Variants in KDR observed in about 807,000 individuals in gnomAD.
KDR encodes the protein vascular endothelial growth factor receptor 2.
Under a neutral mutation model 160.9 loss-of-function variants are expected in KDR, and 43 were observed. The observed-to-expected ratio is 0.27, with a 90% CI of 0.21 to 0.34. KDR has a LOEUF of 0.34. Among genes scored for constraint, KDR ranks in the 10% least tolerant of loss-of-function variants. KDR has a pLI of 1.00. For missense variants in KDR, 1,469 were observed against 1,666.4 expected, an observed-to-expected ratio of 0.88 and a Z score of 2.06; for synonymous variants, 617 against 600.1, an observed-to-expected ratio of 1.03 and a Z score of -0.41.
At position 55,110,861 on chromosome 4, in the gene KDR, G is replaced by A. The variant is rs535455673; in HGVS notation, c.977-93C>T. The stretch of plus-strand genomic sequence containing the variant: ...TCAAGTGAAACGTCAAAGACCTTGA[G>A]GGTCTGAGTAGCTGCAGTTCCAAGA... On this transcript the variant is annotated intron_variant, in intron 7 of 29. Coordinates refer to ENST00000263923, the MANE Select transcript of KDR (RefSeq NM_002253.4). The A allele has an allele frequency of 9.2e-5, 93 of 1,016,046 alleles. No individual in the cohort carries two copies. In the South Asian group the frequency reaches 1.2e-3, roughly 13 times the overall value. The allele number at this position is 1,016,046 out of a possible 1,614,324, so 62.9% of individuals were successfully genotyped here.
Position 55,078,784 on chromosome 4 carries a change from C to T in KDR, c.*1157G>A. On this transcript the variant is annotated 3_prime_UTR_variant, in exon 30 of 30. Transcript: ENST00000263923. Reference sequence around the variant, plus strand: ...AGAAATAGCTCTATATGTTAAAAGTCTAAATAATACAATAGATGTTATAAT... The same window carrying T: ...AGAAATAGCTCTATATGTTAAAAGTTTAAATAATACAATAGATGTTATAAT... 1 of 232,770 alleles carries T rather than the reference C, an allele frequency of 4.3e-6. No individual in the cohort carries two copies. Among genetic ancestry groups the T allele is most frequent in the Non-Finnish European group, 8.5e-6 (1 of 117,806 alleles). 14.4% of individuals were successfully genotyped at this position (232,770 alleles called of 1,614,324 possible). A position where few individuals can be genotyped will look rare whatever the true frequency, so the allele number is the denominator to read the frequency against.
intron 12 of KDR, among the ~76,000 whole-genome samples, chr4:55,105,238 G>A (rs1720416929): frequency 6.6e-6 from 1 of 152,142 alleles, no homozygotes. Context: ...TCTACGCAAT[G>A]TTTAATATAT....
chr4:55,125,442 C>T lies in KDR; in HGVS notation c.-149G>A. 1.0e-6 allele frequency: 1 copy of T among 970,110 alleles called. No homozygotes were observed. The highest frequency in any genetic ancestry group is 2.6e-5 in the East Asian group (1 of 37,888). The allele number at this position is 970,110 out of a possible 1,614,324, so 60.1% of individuals were successfully genotyped here. A position where few individuals can be genotyped will look rare whatever the true frequency, so the allele number is the denominator to read the frequency against. On this transcript the variant is annotated 5_prime_UTR_variant, in exon 1 of 30. Transcript: ENST00000263923. The stretch of plus-strand genomic sequence containing the variant: ...GCACAGGGCTAGGGAGCCCGGGCGC[C>T]GACCGCGGCTGCAGGGGCGTCTGCG...
At chr4:55,093,118 T>C (rs935708754) in intron 21 of KDR, among the ~76,000 whole-genome samples, 4 of 152,250 alleles carry the variant, frequency 2.6e-5, no homozygotes, top group African/African-American at 9.6e-5. Context: ...GGTCATTGAA[T>C]CTCTTCTCTC....
chr4:55,107,674 T>A, intron 10 of KDR, 63 bp downstream of exon 10: 1 of 1,606,754 alleles, frequency 6.2e-7, no homozygotes, highest in Non-Finnish European at 8.5e-7. Context: ...TGGAGTCATA[T>A]CATAGCTCAG....
At chr4:55,114,318 A>C in intron 5 of KDR, 53 bp from the exon 6 acceptor site, 4 of 1,575,888 alleles carry the variant, frequency 2.5e-6, no homozygotes, top group Non-Finnish European at 3.5e-6. Flanking sequence ...TAAGCCTATA[A>C]CTTTGCACAG....
chr4:55,103,903 C>T (rs1459042909), intron 13 of KDR, among the ~76,000 whole-genome samples: 1 of 152,094 alleles, frequency 6.6e-6, no homozygotes, highest in African/African-American at 2.4e-5. Flanking sequence ...ACAGACAAAG[C>T]CATGGCTGCC....
chr4:55,113,119 A>C (rs1720638139), intron 7 of KDR, among the ~76,000 whole-genome samples, 185 bp downstream of exon 7: 1 of 152,248 alleles, frequency 6.6e-6, no homozygotes, highest in Non-Finnish European at 1.5e-5. Context: ...TTTAAAGTTG[A>C]GGTTTGAACC....
intron 20 of KDR, 40 bp from the exon 21 acceptor site, chr4:55,094,995 A>C: frequency 6.3e-7 from 1 of 1,591,674 alleles, no homozygotes. Flanking sequence ...CCTTGAATAC[A>C]AAATGAGTCT....
Position 55,082,617 on chromosome 4 carries a change from ACTGTTCTG to A in KDR, c.3673_3680del (p.Gln1225Ter). ...CACTCACAGGCCGGCTCTTTCGCTT[ACTGTTCTG>A]CAGATACTGACTGCAAAAGAACAAA... is the stretch of plus-strand genomic sequence containing the variant. On this transcript the variant is annotated frameshift_variant, in exon 28 of 30. Coordinates refer to ENST00000263923, the MANE Select transcript of KDR (RefSeq NM_002253.4). LOFTEE classifies it high-confidence loss of function. 6.2e-7 allele frequency: 1 copy of A among 1,613,822 alleles called. No homozygotes were observed. The highest frequency in any genetic ancestry group is 8.5e-7 in the Non-Finnish European group (1 of 1,179,764).
intron 27 of KDR, among the ~76,000 whole-genome samples, chr4:55,083,343 T>C (rs1719783329): frequency 6.6e-6 from 1 of 152,158 alleles, no homozygotes; most frequent in South Asian, 2.1e-4. Context: ...TCTTGTCCCA[T>C]CTATAAGATG....
At chr4:55,095,812 C>A (rs577479549) in intron 19 of KDR, 147 bp from the exon 20 acceptor site, 3 of 673,764 alleles carry the variant, frequency 4.5e-6, no homozygotes, top group Non-Finnish European at 5.3e-6. Flanking sequence ...TGGTCCCAAT[C>A]CCCTTATATT....
intron 10 of KDR, 102 bp downstream of exon 10, chr4:55,107,635 T>A: frequency 2.7e-6 from 4 of 1,496,552 alleles, no homozygotes; most frequent in East Asian, 2.3e-5. Flanking sequence ...AGAGAAAACT[T>A]TTTTTGGTTT....
intron 3 of KDR, among the ~76,000 whole-genome samples, chr4:55,116,075 C>T (rs1720729796): frequency 6.6e-6 from 1 of 152,142 alleles, no homozygotes. Flanking sequence ...TTGATATCTT[C>T]AATGACAAAC....
At chr4:55,092,974 C>T (rs17085262) in intron 21 of KDR, among the ~76,000 whole-genome samples, 34,699 of 151,988 alleles carry the variant, frequency 0.23, 4,201 homozygotes, top group East Asian at 0.46. Flanking sequence ...AATAAGGTAA[C>T]ACTGACCTAG....
chr4:55,096,169 C>T, intron 19 of KDR, 60 bp downstream of exon 19: 1 of 921,670 alleles, frequency 1.1e-6, no homozygotes, highest in Non-Finnish European at 1.8e-6. Flanking sequence ...TGCTTTCCCT[C>T]AAACACTATC....
At chr4:55,093,931 G>A (rs188527599) in intron 21 of KDR, among the ~76,000 whole-genome samples, 1 of 152,328 alleles carries the variant, frequency 6.6e-6, no homozygotes, top group Non-Finnish European at 1.5e-5. Flanking sequence ...CAGGCACGGA[G>A]GCTTACGCCT....
intron 12 of KDR, 85 bp downstream of exon 12, chr4:55,105,747 G>C (rs1720431074): frequency 1.2e-6 from 1 of 862,376 alleles, no homozygotes; most frequent in Admixed American, 1.7e-5. Flanking sequence ...CCACTCACAT[G>C]AATGGCAAAA....
Position 55,105,951 on chromosome 4 carries a change from A to T in KDR, c.1537-11T>A. 6.4e-7 allele frequency: 1 copy of T among 1,565,072 alleles called. No individual in the cohort carries two copies. The highest frequency in any genetic ancestry group is 8.8e-7 in the Non-Finnish European group (1 of 1,135,514). On this transcript the variant is annotated splice_polypyrimidine_tract_variant and intron_variant, in intron 11 of 29. Transcript: ENST00000263923. ...AAGGGTACTTACAGTCTGTGCGGGG[A>T]AAAAACAAATCCCAGGCCATAAACA...
Sources: gnomAD v4.1 joint callset for allele counts (sites outside exome capture counted in the v4.1 genomes callset) on GRCh38, gnomAD v4.1.1 for gene constraint, MANE v1.5 for transcripts, NCBI Gene and HGNC (gene_info 2026-07-23, HGNC 2026-07-21) for gene names.